MMUT: variants seen among roughly 807,000 people sequenced by gnomAD.
MMUT encodes the protein methylmalonyl-CoA mutase, mitochondrial.
Under a neutral mutation model 79.9 loss-of-function variants are expected in MMUT, and 79 were observed. The observed-to-expected ratio is 0.99, with a 90% CI of 0.82 to 1.19. MMUT has a LOEUF of 1.19. Among genes scored for constraint, MMUT ranks in the 50% most tolerant of loss-of-function variants. MMUT has a pLI of 0.00. For missense variants in MMUT, 860 were observed against 917.2 expected, an observed-to-expected ratio of 0.94 and a Z score of 0.81; for synonymous variants, 273 against 295.7, an observed-to-expected ratio of 0.92 and a Z score of 0.79.
intron 12 of MMUT, among the ~76,000 whole-genome samples, chr6:49,432,668 T>G (rs1379775190): frequency 6.6e-6 from 1 of 152,198 alleles, no homozygotes; most frequent in Non-Finnish European, 1.5e-5. Context: ...ATTACAGGCA[T>G]GAGCCACCGT....
rs1766951881 is a variant in MMUT, at chr6:49,430,706, T to C, written c.*1022A>G. ...AAGATAATTATTTATGTTATATTCA[T>C]GTAATGGATCATGTTAACAATAAAG... On this transcript the variant is annotated 3_prime_UTR_variant, in exon 13 of 13. Transcript: ENST00000274813. 6.6e-6 allele frequency: 1 copy of C among 152,204 alleles called. No individual in the cohort carries two copies. Among genetic ancestry groups the C allele is most frequent in the Admixed American group, 6.5e-5 (1 of 15,278 alleles). The allele number at this position is 152,204 out of a possible 1,614,324, so 9.4% of individuals were successfully genotyped here.
At position 49,440,268 on chromosome 6, in the gene MMUT, T is replaced by A. The variant is rs745503019; in HGVS notation, c.1894A>T (p.Lys632Ter). The change falls in exon 11 of 13, where the codon AAA becomes TAA. Residue 632 changes from lysine to a stop codon, truncating the protein, a stop_gained. Transcript: ENST00000274813. LOFTEE classifies it high-confidence loss of function. ...MGQDGHDRGAKVIATGFADLG... is the reference protein window; with the variant it reads ...MGQDGHDRGA ...TCAGCAAATCCTGTAGCAATAACTTTTGCTCCTCTGTCATGGCCATCTTGT... is the reference window on the plus strand; with the variant it reads ...TCAGCAAATCCTGTAGCAATAACTTATGCTCCTCTGTCATGGCCATCTTGT... 1 of 1,614,104 alleles carries A rather than the reference T, an allele frequency of 6.2e-7. No homozygotes were observed. Among genetic ancestry groups the A allele is most frequent in the Non-Finnish European group, 8.5e-7 (1 of 1,179,976 alleles).
At chr6:49,454,947 G>A (rs946337443) in intron 4 of MMUT, among the ~76,000 whole-genome samples, 2 of 152,116 alleles carry the variant, frequency 1.3e-5, no homozygotes, top group Non-Finnish European at 2.9e-5. Context: ...TTGGGAGCCT[G>A]AGGTGGGAGG....
chr6:49,445,580 G>A (rs1028176186), intron 8 of MMUT, among the ~76,000 whole-genome samples: 3 of 151,972 alleles, frequency 2.0e-5, no homozygotes, highest in Non-Finnish European at 4.4e-5. Context: ...TGTAGTGTTT[G>A]CATATAACCT....
At chr6:49,457,448 G>A (rs926009958) in intron 3 of MMUT, among the ~76,000 whole-genome samples, 4 of 152,150 alleles carry the variant, frequency 2.6e-5, no homozygotes, top group Admixed American at 2.6e-4. Flanking sequence ...AGACCTCCCT[G>A]AATCTAACAA....
chr6:49,438,521 G>A (rs1347472231), intron 11 of MMUT, among the ~76,000 whole-genome samples: 2 of 152,040 alleles, frequency 1.3e-5, no homozygotes. Context: ...AGTTCCAGAG[G>A]CATAATCAGT....
intron 5 of MMUT, among the ~76,000 whole-genome samples, chr6:49,452,646 T>C (rs1008299481): frequency 2.0e-5 from 3 of 152,236 alleles, no homozygotes; most frequent in African/African-American, 7.2e-5. Flanking sequence ...TTTCTCCATT[T>C]ATAAGAACCT....
At chr6:49,443,008 C>T (rs1038777983) in intron 9 of MMUT, among the ~76,000 whole-genome samples, 1 of 151,886 alleles carries the variant, frequency 6.6e-6, no homozygotes, top group East Asian at 1.9e-4. Context: ...TATACCTTAA[C>T]CAGTTAAAGC....
At chr6:49,437,522 T>C (rs1767162743) in intron 11 of MMUT, among the ~76,000 whole-genome samples, 1 of 152,162 alleles carries the variant, frequency 6.6e-6, no homozygotes, top group South Asian at 2.1e-4. Flanking sequence ...AGGTCTACTC[T>C]CTAGAATCTA....
intron 4 of MMUT, among the ~76,000 whole-genome samples, chr6:49,455,362 C>A (rs1230930038): frequency 2.6e-5 from 4 of 152,094 alleles, no homozygotes; most frequent in African/African-American, 7.2e-5. Flanking sequence ...ATCTCAAATA[C>A]CCCAGAAAGA....
chr6:49,460,550 T>C (rs955033300), intron 1 of MMUT, among the ~76,000 whole-genome samples: 4 of 152,184 alleles, frequency 2.6e-5, no homozygotes, highest in Non-Finnish European at 5.9e-5. Context: ...ATGTAGAAAC[T>C]GAGGCTCAGA....
At chr6:49,433,888 T>A (rs1350152082) in intron 12 of MMUT, among the ~76,000 whole-genome samples, 2 of 152,178 alleles carry the variant, frequency 1.3e-5, no homozygotes, top group African/African-American at 4.8e-5. Flanking sequence ...CACACAAAAG[T>A]ATAACACAGA....
At position 49,431,735 on chromosome 6, in the gene MMUT, G is replaced by A. The variant is rs960855643; in HGVS notation, c.2246C>T (p.Ser749Phe). 1 of 1,613,654 alleles carries A rather than the reference G, an allele frequency of 6.2e-7. No homozygotes were observed. The highest frequency in any genetic ancestry group is 8.5e-7 in the Non-Finnish European group (1 of 1,179,662). ...IEKCLEKKQQ[S>F]V ...TAAAACAAAAAGAGGATATTATACA[G>A]ATTGCTGCTTCTTTTCCAAACACTT... The change falls in exon 13 of 13, where the codon TCT becomes TTT. Residue 749 changes from serine to phenylalanine, a missense_variant. Physicochemically the swap from Ser to Phe is radical, Grantham distance 155 (BLOSUM62 -2). Coordinates refer to ENST00000274813, the MANE Select transcript of MMUT (RefSeq NM_000255.4).
chr6:49,440,215 A>T lies in MMUT; in HGVS notation c.1947T>A (p.Pro649=). ...ADLGFDVDIG[P]LFQTPREVAQ... ...CAACAGTTTTTAGTACCTGGAAAAG[A>T]GGGCCTATGTCCACATCAAAACCAA... is the stretch of plus-strand genomic sequence containing the variant. Residue 649 remains proline, a synonymous_variant, in exon 11 of 13, where the codon CCT becomes CCA. Coordinates refer to ENST00000274813, the MANE Select transcript of MMUT (RefSeq NM_000255.4). The T allele has an allele frequency of 6.2e-7, 1 of 1,614,036 alleles. No homozygotes were observed. The highest frequency in any genetic ancestry group is 8.5e-7 in the Non-Finnish European group (1 of 1,179,908).
chr6:49,435,528 T>C lies in MMUT; in HGVS notation c.2052A>G (p.Glu684=), dbSNP rs746167463. Residue 684 remains glutamate (E), a synonymous_variant, in exon 12 of 13, where the codon GAA becomes GAG. Transcript: ENST00000274813. The stretch of plus-strand genomic sequence containing the variant: ...CAAGGGAGTTAAGTTCTTTGATGAG[T>C]TCAGGAACTAGGGTTTTATGACCAG... ...LAAGHKTLVP[E]LIKELNSLGR... The C allele has an allele frequency of 1.9e-6, 3 of 1,613,838 alleles. No homozygotes were observed. Among genetic ancestry groups the C allele is most frequent in the East Asian group, 4.5e-5 (2 of 44,884 alleles).
intron 8 of MMUT, among the ~76,000 whole-genome samples, chr6:49,444,981 T>TAAC (rs1477275516): frequency 6.6e-6 from 1 of 152,150 alleles, no homozygotes; most frequent in East Asian, 1.9e-4. Context: ...GGTATAATCC[T>TAAC]AACAAATCAG....
chr6:49,462,964 C>T (rs975415068), intron 1 of MMUT, 139 bp downstream of exon 1: 2 of 152,240 alleles, frequency 1.3e-5, no homozygotes, highest in African/African-American at 4.8e-5. Context: ...AGAGTGGGAT[C>T]CCGTCACAGT....
chr6:49,456,924 G>C (rs1474838718), intron 3 of MMUT, among the ~76,000 whole-genome samples: 2 of 152,098 alleles, frequency 1.3e-5, no homozygotes, highest in Non-Finnish European at 2.9e-5. Context: ...GTTAGGTAGA[G>C]TACATCACAC....
intron 9 of MMUT, chr6:49,443,798 T>G (rs1285068490): frequency 2.3e-6 from 1 of 439,108 alleles, no homozygotes; most frequent in Non-Finnish European, 4.6e-6. Flanking sequence ...CCAAATATCG[T>G]GTCTATGGGA....
Sources: allele counts gnomAD v4.1 joint callset (sites outside exome capture counted in the v4.1 genomes callset), GRCh38; gene constraint gnomAD v4.1.1; transcripts MANE v1.5; gene names NCBI Gene and HGNC (gene_info 2026-07-23, HGNC 2026-07-21).